ELP3: variants seen among roughly 807,000 people sequenced by gnomAD.
ELP3 encodes the protein elongator acetyltransferase complex subunit 3.
A neutral mutation model predicts 74.9 loss-of-function variants in ELP3; 56 were observed. The ratio of observed to expected loss-of-function variants is 0.75; its 90% CI spans 0.60 to 0.93. The LOEUF (loss-of-function observed/expected upper bound fraction) is 0.93. ELP3 is among the 40% of genes least tolerant of loss of function. ELP3 has a pLI of 0.00. For synonymous variants in ELP3, 222 were observed against 239.8 expected (o/e 0.93, Z 0.68); for missense variants, 573 against 686.5 (o/e 0.83, Z 1.85).
At chr8:28,129,702 C>T (rs374166882) in intron 8 of ELP3, 39 bp downstream of exon 8, 1 of 1,610,138 alleles carries the variant, frequency 6.2e-7, no homozygotes, top group African/African-American at 1.3e-5. Flanking sequence ...AGTCTTCCTC[C>T]AAGTTCACCA....
upstream of ELP3, among the ~76,000 whole-genome samples, chr8:28,091,108 A>G (rs889207829): frequency 1.3e-5 from 2 of 151,722 alleles, no homozygotes; most frequent in African/African-American, 2.4e-5. Flanking sequence ...GGGTTTCATC[A>G]TGTTAGCCAG....
At chr8:28,168,670 A>G (rs539337003) in intron 14 of ELP3, among the ~76,000 whole-genome samples, 4 of 152,310 alleles carry the variant, frequency 2.6e-5, no homozygotes, top group African/African-American at 4.8e-5. Context: ...GGCCCAACCT[A>G]TGCTACTCAC....
intron 10 of ELP3, among the ~76,000 whole-genome samples, chr8:28,143,474 T>A (rs1483723762): frequency 1.3e-5 from 2 of 152,224 alleles, no homozygotes; most frequent in Non-Finnish European, 2.9e-5. Context: ...CCTTACAAAG[T>A]TGGAGTGCAT....
At chr8:28,167,611 A>T (rs139912180) in intron 14 of ELP3, among the ~76,000 whole-genome samples, 2 of 152,200 alleles carry the variant, frequency 1.3e-5, no homozygotes, top group Non-Finnish European at 2.9e-5. Context: ...TTGCTAATGG[A>T]CACAGGAAGC....
chr8:28,151,517 T>TA (rs764107461), intron 10 of ELP3, among the ~76,000 whole-genome samples: 5 of 152,342 alleles, frequency 3.3e-5, no homozygotes, highest in Middle Eastern at 3.4e-3. Flanking sequence ...TAGTCGGACA[T>TA]ATAATGTTCT....
chr8:28,181,149 A>G (rs955993050), intron 14 of ELP3, among the ~76,000 whole-genome samples: 1 of 152,210 alleles, frequency 6.6e-6, no homozygotes, highest in African/African-American at 2.4e-5. Flanking sequence ...CCTAGCAGAA[A>G]CATTTTCAAT....
chr8:28,145,265 A>T lies in ELP3; in HGVS notation c.1100+7374A>T, dbSNP rs192266121. Among the ~76,000 whole-genome samples the T allele has an allele frequency of 5.6e-3, 855 of 152,212 alleles. 5 individuals are homozygous for T. The highest frequency in any genetic ancestry group is 8.2e-3 in the Non-Finnish European group (559 of 68,010). On this transcript the variant is annotated intron_variant, in intron 10 of 14. Transcript: ENST00000256398. Reference sequence around the variant, plus strand: ...AATGTTTTTTTCTAGCTTCAGCCTTAAAGTTTTAGAGCAATTCTGAGACTG... The same window carrying T: ...AATGTTTTTTTCTAGCTTCAGCCTTTAAGTTTTAGAGCAATTCTGAGACTG...
At chr8:28,144,499 AG>A (rs1813358173) in intron 10 of ELP3, among the ~76,000 whole-genome samples, 1 of 152,288 alleles carries the variant, frequency 6.6e-6, no homozygotes, top group East Asian at 1.9e-4. Flanking sequence ...ACATGCCTGT[AG>A]TCCCAGCTGC....
chr8:28,182,484 C>T (rs1217712080), intron 14 of ELP3, among the ~76,000 whole-genome samples: 2 of 152,170 alleles, frequency 1.3e-5, no homozygotes, highest in African/African-American at 4.8e-5. Flanking sequence ...TCGTTTGAAG[C>T]TGGGCGGCAG....
intron 7 of ELP3, among the ~76,000 whole-genome samples, chr8:28,119,573 TATATATATATATATATATA>T (rs1563257188): frequency 5.3e-3 from 1 of 190 alleles, no homozygotes; most frequent in African/African-American, 0.016. Context: ...TGTGGCGTTT[TATATATATATATATATATA>T]TATATATATA....
rs1449480074 is a variant in ELP3 at position 28,155,968 on chromosome 8, C to G, written c.1127C>G (p.Ser376Ter). 1.2e-6 allele frequency: 2 copies of G among 1,613,866 alleles called. No individual in the cohort carries two copies. The highest frequency in any genetic ancestry group is 4.5e-5 in the East Asian group (2 of 44,876). ...QRDIPMPLVS[S>*]GVEHGNLREL... Reference sequence around the variant, plus strand: ...GATATTCCAATGCCTTTAGTTAGCTCAGGAGTAGAGCATGGTAACCTGAGA... The same window carrying G: ...GATATTCCAATGCCTTTAGTTAGCTGAGGAGTAGAGCATGGTAACCTGAGA... The change falls in exon 11 of 15, where the codon TCA becomes TGA. Residue 376 changes from serine to a stop codon, truncating the protein, a stop_gained. Transcript: ENST00000256398. LOFTEE classifies it high-confidence loss of function.
intron 9 of ELP3, among the ~76,000 whole-genome samples, chr8:28,137,492 G>C (rs1045427747): frequency 6.6e-6 from 1 of 152,204 alleles, no homozygotes; most frequent in Non-Finnish European, 1.5e-5. Flanking sequence ...TGAGGGCCTA[G>C]TGCAGTCCAG....
chr8:28,184,954 G>A (rs1328786614), intron 14 of ELP3, among the ~76,000 whole-genome samples: 37 of 39,244 alleles, frequency 9.4e-4, no homozygotes, highest in African/African-American at 1.4e-3. Context: ...GGTGACAAGA[G>A]CAAAACTCCA....
At chr8:28,165,802 CTT>C (rs1308038428) in intron 14 of ELP3, among the ~76,000 whole-genome samples, 1 of 152,052 alleles carries the variant, frequency 6.6e-6, no homozygotes, top group Non-Finnish European at 1.5e-5. Flanking sequence ...TCTGGGTATT[CTT>C]TTTTCTGTAT....
chr8:28,173,563 T>G (rs1224468041), intron 14 of ELP3, among the ~76,000 whole-genome samples: 1 of 151,798 alleles, frequency 6.6e-6, no homozygotes, highest in Admixed American at 6.6e-5. Flanking sequence ...ATTTTTTTTT[T>G]TAATTCTCTA....
intron 10 of ELP3, among the ~76,000 whole-genome samples, chr8:28,149,325 T>A (rs531128365): frequency 6.6e-6 from 1 of 152,340 alleles, no homozygotes; most frequent in South Asian, 2.1e-4. Flanking sequence ...AGAATTGGCA[T>A]AGTCTTGCTT....
intron 14 of ELP3, among the ~76,000 whole-genome samples, chr8:28,163,659 C>G (rs185946111): frequency 1.5e-3 from 226 of 152,104 alleles, no homozygotes; most frequent in South Asian, 5.2e-3. Flanking sequence ...GTTTACTTCT[C>G]AACTGTTTAA....
chr8:28,138,219 G>A (rs1232320814), intron 10 of ELP3, among the ~76,000 whole-genome samples: 3 of 152,082 alleles, frequency 2.0e-5, no homozygotes, highest in African/African-American at 7.2e-5. Flanking sequence ...TGCAGTAATG[G>A]GTATGAGCAT....
At chr8:28,091,149 G>C (rs751102433), upstream of ELP3, among the ~76,000 whole-genome samples, 1 of 151,762 alleles carries the variant, frequency 6.6e-6, no homozygotes, top group South Asian at 2.1e-4. Context: ...CTTGTGATCC[G>C]CCCACCTCGG....
Sources: gnomAD v4.1 joint callset for allele counts (sites outside exome capture counted in the v4.1 genomes callset) on GRCh38, gnomAD v4.1.1 for gene constraint, MANE v1.5 for transcripts, NCBI Gene and HGNC (gene_info 2026-07-23, HGNC 2026-07-21) for gene names.